The following KIF27 variants were observed in gnomAD, a reference collection of about 807,000 sequenced individuals.
KIF27 encodes kinesin-like protein KIF27.
KIF27 carries 84 observed loss-of-function variants against 141.8 expected under a neutral mutation model. The observed-to-expected ratio is 0.59, with a 90% confidence interval of 0.50 to 0.71. The LOEUF is 0.71. KIF27 is among the 30% of genes least tolerant of loss of function. KIF27 has a pLI of 0.00. For synonymous variants in KIF27, 471 were observed against 569.5 expected, an observed-to-expected ratio of 0.83 and a Z score of 2.46; for missense variants, 1,306 against 1,628.4, an observed-to-expected ratio of 0.80 and a Z score of 3.41.
At chr9:83,895,242 AC>A (rs1953077448) in intron 5 of KIF27, among the ~76,000 whole-genome samples, 14 of 150,816 alleles carry the variant, frequency 9.3e-5, no homozygotes, top group Non-Finnish European at 2.1e-4. Flanking sequence ...AGCCTGGGTG[AC>A]ACAGTGAGAC....
rs116989702 is a variant in KIF27 at position 83,846,231 on chromosome 9, C to G, written c.3557-3830G>C. Among the ~76,000 whole-genome samples the G allele has an allele frequency of 7.3e-3, 1,119 of 152,282 alleles. 59 individuals are homozygous for G. The East Asian group carries it at 0.14, about 19-fold the overall frequency. On this transcript the variant is annotated intron_variant, in intron 16 of 17. Transcript: ENST00000297814. ...TGATTATATTGGACCTCTTCCATGA[C>G]AGAAAGGGCAGAGGTTTGTCCTCAC...
intron 13 of KIF27, 75 bp downstream of exon 13, chr9:83,867,609 T>G (rs977118775): frequency 1.4e-6 from 2 of 1,449,742 alleles, no homozygotes; most frequent in African/African-American, 1.5e-5. Context: ...ATTATGTTTT[T>G]CTGATTATAG....
chr9:83,837,312 T>C lies in KIF27; in HGVS notation c.3895A>G (p.Ile1299Val). Residue 1299 changes from isoleucine (I) to valine (V), a missense_variant, in exon 18 of 18, where the codon ATC becomes GTC. By Grantham distance (29) the Ile-to-Val change is conservative. This residue lies in a region of KIF27 where 148 missense variants were observed against 250.9 expected (regional missense o/e 0.59). Coordinates refer to ENST00000297814, the MANE Select transcript of KIF27 (RefSeq NM_017576.4). ...CTATGAATTGGAGGTAATTCTGGGA[T>C]ATCTTCCCAGAGCTTTTGAGGATTT... ...QPNPQKLWEDIPELPPIHSSL... is the reference protein window; with the variant it reads ...QPNPQKLWEDVPELPPIHSSL... 1.3e-6 allele frequency: 2 copies of C among 1,598,362 alleles called. No individual in the cohort carries two copies. The highest frequency in any genetic ancestry group is 2.7e-5 in the African/African-American group (2 of 74,676).
intron 13 of KIF27, among the ~76,000 whole-genome samples, chr9:83,866,773 G>A (rs1293571484): frequency 6.6e-6 from 1 of 152,034 alleles, no homozygotes; most frequent in Non-Finnish European, 1.5e-5. Context: ...CTACTCGGGA[G>A]ACTGATACAG....
intron 16 of KIF27, chr9:83,848,045 A>ATGATATATATGATATAT (rs1446337871): frequency 3.2e-5 from 3 of 95,198 alleles, no homozygotes; most frequent in South Asian, 3.3e-4. Context: ...ATATATATCT[A>ATGATATATATGATATAT]CATATATCTA....
chr9:83,842,261 G>A lies in KIF27; in HGVS notation c.3697C>T (p.Arg1233Trp), dbSNP rs1317446725. Reference protein sequence around the residue: ...KLKELVGEAIRRQLAPSEYQE... With the variant: ...KLKELVGEAIWRQLAPSEYQE... Reference sequence around the variant, plus strand: ...CACTCTGATGGTGCTAGTTGCCGCCGAATTGCTTCCCCTACCAGTTCCTTA... The same window carrying A: ...CACTCTGATGGTGCTAGTTGCCGCCAAATTGCTTCCCCTACCAGTTCCTTA... The change falls in exon 17 of 18, where the codon CGG (arginine) becomes TGG (tryptophan). Residue 1233 changes from arginine to tryptophan, a missense_variant. By Grantham distance (101) the Arg-to-Trp change is moderately radical. Transcript: ENST00000297814. 7 of 1,564,144 alleles carry A rather than the reference G, an allele frequency of 4.5e-6. No homozygotes were observed. Among genetic ancestry groups the A allele is most frequent in the South Asian group, 3.6e-5 (3 of 82,582 alleles).
At chr9:83,876,471 GT>G (rs1389751065) in intron 11 of KIF27, among the ~76,000 whole-genome samples, 1 of 152,126 alleles carries the variant, frequency 6.6e-6, no homozygotes, top group African/African-American at 2.4e-5. Context: ...ATTTAATATT[GT>G]CAAGATGTCA....
At chr9:83,895,338 TAAAG>T (rs1953094075) in intron 5 of KIF27, among the ~76,000 whole-genome samples, 1 of 151,250 alleles carries the variant, frequency 6.6e-6, no homozygotes, top group African/African-American at 2.4e-5. Context: ...AATCATATGA[TAAAG>T]AAAAATCATT....
intron 5 of KIF27, among the ~76,000 whole-genome samples, chr9:83,894,383 G>A (rs1952970503): frequency 6.6e-6 from 1 of 152,202 alleles, no homozygotes; most frequent in East Asian, 1.9e-4. Context: ...TAGCAGACCT[G>A]ACTGCTATCT....
Position 83,836,472 on chromosome 9 carries a change from G to A in KIF27, c.*529C>T, listed in dbSNP as rs562145944. Among the ~76,000 whole-genome samples, 17 of 152,166 alleles carry A rather than the reference G, an allele frequency of 1.1e-4. No individual in the cohort carries two copies. In the East Asian group the frequency reaches 2.7e-3, roughly 24 times the overall value. ...CATGTTTAAAAAGTCAGGACTGACCGTTTCTGTGAGTTCTGAGGACTGTAA... is the reference window on the plus strand; with the variant it reads ...CATGTTTAAAAAGTCAGGACTGACCATTTCTGTGAGTTCTGAGGACTGTAA... On this transcript the variant is annotated 3_prime_UTR_variant, in exon 18 of 18. Transcript: ENST00000297814.
chr9:83,913,998 T>G (rs1209800747), intron 2 of KIF27, among the ~76,000 whole-genome samples: 2 of 152,030 alleles, frequency 1.3e-5, no homozygotes, highest in Non-Finnish European at 2.9e-5. Flanking sequence ...CTCTATTTCT[T>G]CTGATAGAGG....
At position 83,836,368 on chromosome 9, in the gene KIF27, T is replaced by C. The variant is rs1945837596; in HGVS notation, c.*633A>G. ...GCAGGAAAGACATGAAAACTTATAT[T>C]GCATAATATTAGCAAACATAAAAGA... On this transcript the variant is annotated 3_prime_UTR_variant, in exon 18 of 18. Coordinates refer to ENST00000297814, the MANE Select transcript of KIF27 (RefSeq NM_017576.4). Among the ~76,000 whole-genome samples the C allele has an allele frequency of 1.3e-5, 2 of 152,140 alleles. No individual in the cohort carries two copies. The highest frequency in any genetic ancestry group is 6.6e-5 in the Admixed American group (1 of 15,264).
chr9:83,842,232 C>T lies in KIF27; in HGVS notation c.3721+5G>A, dbSNP rs1206333297. 1 of 1,540,914 alleles carries T rather than the reference C, an allele frequency of 6.5e-7. No homozygotes were observed. The highest frequency in any genetic ancestry group is 1.4e-5 in the African/African-American group (1 of 70,624). On this transcript the variant is annotated splice_donor_5th_base_variant and intron_variant, in intron 17 of 17. Transcript: ENST00000297814. ...TGTTAAGAGTGACAACACTAAAAGT[C>T]TTACACTCTGATGGTGCTAGTTGCC...
At chr9:83,916,953 G>A (rs941108000) in intron 1 of KIF27, among the ~76,000 whole-genome samples, 3 of 151,940 alleles carry the variant, frequency 2.0e-5, no homozygotes, top group Admixed American at 6.6e-5. Flanking sequence ...GTGAGCCACC[G>A]CGCACGACAG....
In KIF27 at chr9:83,840,240, T is replaced by G. The variant is rs574516551; in HGVS notation, c.3721+1997A>C. 1.1e-3 allele frequency among the ~76,000 whole-genome samples: 164 copies of G among 152,330 alleles called. 1 individual carries two copies. The highest frequency in any genetic ancestry group is 3.1e-3 in the South Asian group (15 of 4,830). ...TGGGTAGGATTATAACTGATTTGTT[T>G]TCTTCATTTTCAGATTTTTCTATAA... is the stretch of plus-strand genomic sequence containing the variant. On this transcript the variant is annotated intron_variant, in intron 17 of 17. Transcript: ENST00000297814.
intron 1 of KIF27, among the ~76,000 whole-genome samples, chr9:83,917,123 C>T (rs1955779741): frequency 6.6e-6 from 1 of 151,670 alleles, no homozygotes; most frequent in Non-Finnish European, 1.5e-5. Flanking sequence ...CTAATGCTAT[C>T]CCTCCCCCCT....
chr9:83,852,955 A>G (rs1048634958), intron 15 of KIF27, among the ~76,000 whole-genome samples: 14 of 152,200 alleles, frequency 9.2e-5, no homozygotes, highest in Admixed American at 9.2e-4. Context: ...TAATTGTCTG[A>G]TATTCCCATA....
chr9:83,919,261 G>C (rs762075969), intron 1 of KIF27, among the ~76,000 whole-genome samples: 2 of 152,142 alleles, frequency 1.3e-5, no homozygotes, highest in African/African-American at 4.8e-5. Context: ...TCTGCAAAAA[G>C]TTAAACATAC....
chr9:83,839,690 C>T (rs1007106981), intron 17 of KIF27, among the ~76,000 whole-genome samples: 76 of 152,276 alleles, frequency 5.0e-4, no homozygotes, highest in East Asian at 9.6e-4. Flanking sequence ...CGGTGGCTCA[C>T]GCCTGTAATT....
Sources: allele counts gnomAD v4.1 joint callset (sites outside exome capture counted in the v4.1 genomes callset), GRCh38; gene constraint gnomAD v4.1.1; regional missense constraint gnomAD v4.1.1; transcripts MANE v1.5; gene names NCBI Gene and HGNC (gene_info 2026-07-23, HGNC 2026-07-21).